DNAH14: variants seen among roughly 807,000 people sequenced by gnomAD.
The protein encoded by DNAH14 is axonemal beta dynein heavy chain 14.
In DNAH14, 478 loss-of-function variants were observed where a neutral mutation model predicts 520.9. The ratio of observed to expected loss-of-function variants is 0.92; its 90% CI spans 0.85 to 0.99. DNAH14 has a LOEUF of 0.99. Ranked by LOEUF, DNAH14 falls within the 50% of genes least tolerant of loss-of-function variation. The pLI, the probability that DNAH14 is intolerant of heterozygous loss-of-function variation, is 0.00. For missense variants in DNAH14, 4,831 were observed against 5,234.5 expected, an observed-to-expected ratio of 0.92 and a Z score of 2.38; for synonymous variants, 1,581 against 1,757.2, an observed-to-expected ratio of 0.90 and a Z score of 2.51.
At chr1:225,260,786 T>C (rs958783577) in intron 46 of DNAH14, among the ~76,000 whole-genome samples, 2 of 152,230 alleles carry the variant, frequency 1.3e-5, no homozygotes, top group African/African-American at 4.8e-5. Context: ...AAGATATCTT[T>C]CCACTTATTT....
At chr1:225,365,366 A>G (rs1030886324) in intron 76 of DNAH14, among the ~76,000 whole-genome samples, 1 of 152,230 alleles carries the variant, frequency 6.6e-6, no homozygotes, top group African/African-American at 2.4e-5. Context: ...CTATTAGACC[A>G]GGGTCCAGTT....
intron 33 of DNAH14, 135 bp downstream of exon 33, chr1:225,153,018 G>A: frequency 1.1e-6 from 1 of 939,694 alleles, no homozygotes; most frequent in Non-Finnish European, 1.5e-6. Context: ...TCAAAATAAT[G>A]GAGCTAGAAT....
chr1:225,156,901 G>C (rs1245102411), intron 34 of DNAH14, among the ~76,000 whole-genome samples: 1 of 124,934 alleles, frequency 8.0e-6, no homozygotes, highest in East Asian at 3.2e-4. Context: ...ATTTTTAGTA[G>C]AGACGGGGTT....
chr1:225,044,302 T>C (rs1169593011), intron 15 of DNAH14, among the ~76,000 whole-genome samples: 1 of 152,204 alleles, frequency 6.6e-6, no homozygotes, highest in African/African-American at 2.4e-5. Context: ...ATAACAAAGA[T>C]ATTGTTTCTA....
intron 10 of DNAH14, among the ~76,000 whole-genome samples, chr1:225,021,280 T>C (rs1241898821): frequency 6.6e-6 from 1 of 152,164 alleles, no homozygotes; most frequent in African/African-American, 2.4e-5. Flanking sequence ...TTAAACACAG[T>C]ACTGGAAATT....
At chr1:224,959,022 C>T (rs1305580197) in intron 3 of DNAH14, among the ~76,000 whole-genome samples, 2 of 151,966 alleles carry the variant, frequency 1.3e-5, no homozygotes, top group Admixed American at 1.3e-4. Context: ...GCTCACTTTC[C>T]AATCTTGAGG....
intron 54 of DNAH14, among the ~76,000 whole-genome samples, chr1:225,278,658 G>C (rs2093552866): frequency 6.6e-6 from 1 of 152,100 alleles, no homozygotes; most frequent in Non-Finnish European, 1.5e-5. Flanking sequence ...ATTTTTGTCT[G>C]TCTTATTTCA....
At chr1:225,142,109 G>A (rs150497322) in intron 28 of DNAH14, among the ~76,000 whole-genome samples, 83 of 152,256 alleles carry the variant, frequency 5.5e-4, no homozygotes, top group African/African-American at 1.9e-3. Context: ...AATTGCCAAA[G>A]AGGATATATT....
chr1:225,067,073 G>T (rs539840539), intron 17 of DNAH14, among the ~76,000 whole-genome samples: 1 of 152,122 alleles, frequency 6.6e-6, no homozygotes, highest in African/African-American at 2.4e-5. Context: ...TATTTCATCA[G>T]CCAGGTATTA....
rs1435689234 is a variant in DNAH14, at chr1:225,204,411, T to C, written c.5977+138T>C. 7.9e-6 allele frequency: 4 copies of C among 506,980 alleles called. No individual in the cohort carries two copies. In the East Asian group the frequency reaches 1.5e-4, roughly 19 times the overall value. 31.4% of individuals were successfully genotyped at this position (506,980 alleles called of 1,614,324 possible). Reference sequence around the variant, plus strand: ...TGTACCATTTATTTGTTCGTATGTTTATTTAAAATTTGTGTAGTGTTACCA... The same window carrying C: ...TGTACCATTTATTTGTTCGTATGTTCATTTAAAATTTGTGTAGTGTTACCA... On this transcript the variant is annotated intron_variant, in intron 39 of 85. Transcript: ENST00000682510.
At chr1:225,266,907 C>A in intron 49 of DNAH14, 138 bp downstream of exon 49, 1 of 675,208 alleles carries the variant, frequency 1.5e-6, no homozygotes, top group Non-Finnish European at 2.3e-6. Flanking sequence ...AAGTTGAGAC[C>A]CTAAACTAAC....
intron 54 of DNAH14, among the ~76,000 whole-genome samples, chr1:225,280,796 ACTT>A (rs1200944368): frequency 6.6e-6 from 1 of 152,198 alleles, no homozygotes; most frequent in Non-Finnish European, 1.5e-5. Flanking sequence ...TTTACAGCTG[ACTT>A]CTTATCAGAC....
At chr1:225,074,173 G>A (rs2071937433) in intron 17 of DNAH14, among the ~76,000 whole-genome samples, 1 of 151,268 alleles carries the variant, frequency 6.6e-6, no homozygotes, top group Admixed American at 6.6e-5. Context: ...CTAATTTTTT[G>A]TATTTTTAGT....
chr1:225,293,804 TG>T (rs1390346557), intron 55 of DNAH14, among the ~76,000 whole-genome samples: 1 of 152,100 alleles, frequency 6.6e-6, no homozygotes, highest in Non-Finnish European at 1.5e-5. Context: ...CTTGTACTTC[TG>T]AACTTAAAAT....
At chr1:224,984,098 A>G (rs2062456410) in intron 8 of DNAH14, among the ~76,000 whole-genome samples, 1 of 152,234 alleles carries the variant, frequency 6.6e-6, no homozygotes, top group Non-Finnish European at 1.5e-5. Context: ...AAGACTAAGC[A>G]AAAAGAACAA....
intron 8 of DNAH14, among the ~76,000 whole-genome samples, chr1:224,975,194 T>G (rs9660260): frequency 1 from 151,711 of 151,808 alleles, 75,807 homozygotes; most frequent in Middle Eastern, 1. Context: ...TCTCTTTTTT[T>G]GTTGTGTCTC....
chr1:225,081,435 G>A (rs1350474501), intron 19 of DNAH14, among the ~76,000 whole-genome samples: 1 of 152,128 alleles, frequency 6.6e-6, no homozygotes, highest in Non-Finnish European at 1.5e-5. Context: ...ATAGTCTCAA[G>A]GCTTTAACAT....
chr1:224,997,142 T>G (rs2063446983), intron 8 of DNAH14, among the ~76,000 whole-genome samples: 1 of 152,210 alleles, frequency 6.6e-6, no homozygotes, highest in African/African-American at 2.4e-5. Flanking sequence ...CCAAGATCTG[T>G]AGGCTGGTTG....
rs571986500 is a variant in DNAH14, at chr1:225,331,237, A to T, written c.9724-200A>T. Among the ~76,000 whole-genome samples, 23 of 152,318 alleles carry T rather than the reference A, an allele frequency of 1.5e-4. No homozygotes were observed. In the South Asian group the frequency reaches 4.6e-3, roughly 30 times the overall value. ...CTATTAAAGAAGCAAGATGGCATTT[A>T]AAAATATACAAATTTCAATATCAAT... On this transcript the variant is annotated intron_variant, in intron 64 of 85. Coordinates refer to ENST00000682510, the MANE Select transcript of DNAH14 (RefSeq NM_001367479.1).
Sources: gnomAD v4.1 joint callset for allele counts (sites outside exome capture counted in the v4.1 genomes callset) on GRCh38, gnomAD v4.1.1 for gene constraint, MANE v1.5 for transcripts, NCBI Gene and HGNC (gene_info 2026-07-23, HGNC 2026-07-21) for gene names.